The following KCNAB2 variants were observed in gnomAD, a reference collection of about 807,000 sequenced individuals.
The protein encoded by KCNAB2 is potassium voltage-gated channel subfamily A regulatory beta subunit 2, also known as voltage-gated potassium channel subunit beta-2.
In KCNAB2, 29 loss-of-function variants were observed where a neutral mutation model predicts 63.6. The ratio of observed to expected loss-of-function variants is 0.46; its 90% CI spans 0.34 to 0.62. KCNAB2 has a LOEUF of 0.62. Ranked by LOEUF, KCNAB2 falls within the 20% of genes least tolerant of loss-of-function variation. KCNAB2 has a pLI of 0.01. For synonymous variants in KCNAB2, 222 were observed against 224.2 expected, an observed-to-expected ratio of 0.99 and a Z score of 0.09; for missense variants, 359 against 563.9, an observed-to-expected ratio of 0.64 and a Z score of 3.68.
intron 1 of KCNAB2, among the ~76,000 whole-genome samples, chr1:6,010,784 A>G (rs1658102165): frequency 6.6e-6 from 1 of 152,280 alleles, no homozygotes; most frequent in African/African-American, 2.4e-5. Flanking sequence ...CTGGGAAGGT[A>G]GTGGCCCGGG....
intron 2 of KCNAB2, among the ~76,000 whole-genome samples, chr1:6,059,711 A>T (rs1662146506): frequency 1.3e-5 from 2 of 152,188 alleles, no homozygotes; most frequent in South Asian, 4.1e-4. Flanking sequence ...GGGAAACAGC[A>T]GCAACTCAGA....
rs964346326 is a variant in KCNAB2 at position 6,100,805 on chromosome 1, C to A, written c.*2231C>A. 1 of 152,260 alleles carries A rather than the reference C, an allele frequency of 6.6e-6. No individual in the cohort carries two copies. Among genetic ancestry groups the A allele is most frequent in the Non-Finnish European group, 1.5e-5 (1 of 68,078 alleles). The allele number at this position is 152,260 out of a possible 1,614,324, so 9.4% of individuals were successfully genotyped here. On this transcript the variant is annotated 3_prime_UTR_variant, in exon 16 of 16. Coordinates refer to ENST00000378083, the MANE Select transcript of KCNAB2 (RefSeq NM_001199862.2). Reference sequence around the variant, plus strand: ...TCTGCCTCCTAGGGCCAGGTCCCCCCTCTCGGGAGGAGGTATTGGGTAGGA... The same window carrying A: ...TCTGCCTCCTAGGGCCAGGTCCCCCATCTCGGGAGGAGGTATTGGGTAGGA...
At chr1:6,048,657 G>A (rs893619109) in intron 1 of KCNAB2, among the ~76,000 whole-genome samples, 1 of 152,266 alleles carries the variant, frequency 6.6e-6, no homozygotes, top group African/African-American at 2.4e-5. Flanking sequence ...GGCCAGGCAG[G>A]GAACTTGCGT....
In KCNAB2 at chr1:6,051,697, G is replaced by T. The variant is rs11589347; in HGVS notation, c.161G>T (p.Arg54Leu). ...AQARNMESFL[R>L]MHGLSLDGCT... ...GCCAGGAACATGGAGAGCTTCCTCC[G>T]CATGCACGGCCTTTCCCTGGACGGC... Residue 54 changes from arginine to leucine, a missense_variant, in exon 2 of 16, where the codon CGC becomes CTC. Physicochemically the swap from Arg to Leu is moderately radical, Grantham distance 102. Coordinates refer to ENST00000378083, the MANE Select transcript of KCNAB2 (RefSeq NM_001199862.2). 4 of 1,533,694 alleles carry T rather than the reference G, an allele frequency of 2.6e-6. No homozygotes were observed. Among genetic ancestry groups the T allele is most frequent in the African/African-American group, 2.7e-5 (2 of 72,980 alleles).
At chr1:6,043,454 G>T (rs1013748253), upstream of KCNAB2, among the ~76,000 whole-genome samples, 1 of 152,174 alleles carries the variant, frequency 6.6e-6, no homozygotes, top group African/African-American at 2.4e-5. Flanking sequence ...TTCATTTCCA[G>T]GTGGCCTTCC....
upstream of KCNAB2, among the ~76,000 whole-genome samples, chr1:6,033,312 T>G (rs1000320849): frequency 1.3e-5 from 2 of 151,142 alleles, no homozygotes; most frequent in Non-Finnish European, 3.0e-5. Context: ...TATGTGTGTG[T>G]GCATTGCATG....
At chr1:6,002,022 C>T (rs1007599634) in intron 1 of KCNAB2, among the ~76,000 whole-genome samples, 1 of 152,176 alleles carries the variant, frequency 6.6e-6, no homozygotes, top group African/African-American at 2.4e-5. Context: ...CTGTGGGCCT[C>T]GTGAGGACAG....
chr1:6,056,148 G>C (rs1013130311), intron 2 of KCNAB2, among the ~76,000 whole-genome samples: 4 of 152,058 alleles, frequency 2.6e-5, no homozygotes, highest in African/African-American at 9.7e-5. Flanking sequence ...GGGTTCAAGC[G>C]ATTCTCCTGC....
chr1:6,013,764 C>T (rs2100288600), intron 1 of KCNAB2, among the ~76,000 whole-genome samples: 1 of 152,280 alleles, frequency 6.6e-6, no homozygotes, highest in African/African-American at 2.4e-5. Context: ...CCAGCTCACA[C>T]CTGCATTGCC....
At chr1:6,052,416 A>T (rs1661468572) in intron 2 of KCNAB2, among the ~76,000 whole-genome samples, 1 of 148,722 alleles carries the variant, frequency 6.7e-6, no homozygotes, top group South Asian at 2.1e-4. Flanking sequence ...ACAGAGCGAG[A>T]CTCCATTGCG....
In KCNAB2 at chr1:6,071,321, A is replaced by G. The variant is rs903323312; in HGVS notation, c.219-1434A>G. 1.3e-5 allele frequency among the ~76,000 whole-genome samples: 2 copies of G among 152,194 alleles called. No individual in the cohort carries two copies. The highest frequency in any genetic ancestry group is 2.4e-5 in the African/African-American group (1 of 41,454). ...GCTGGGCCTCACCCGCTGGTAACTC[A>G]TGGCTCTCACTCCCCACCGCCTAGA... On this transcript the variant is annotated intron_variant, in intron 2 of 15. Coordinates refer to ENST00000378083, the MANE Select transcript of KCNAB2 (RefSeq NM_001199862.2). This position sits in a 1 kb window ranked among gnomAD's most constrained non-coding sequence, Gnocchi z 8.5.
intron 1 of KCNAB2, among the ~76,000 whole-genome samples, chr1:6,016,170 C>T (rs1658483624): frequency 6.6e-6 from 1 of 152,190 alleles, no homozygotes; most frequent in Non-Finnish European, 1.5e-5. Context: ...CTGCCTGCTG[C>T]CTGCTGACAG....
intron 7 of KCNAB2, among the ~76,000 whole-genome samples, chr1:6,088,151 C>T (rs1483119438): frequency 1.3e-5 from 2 of 152,050 alleles, no homozygotes; most frequent in African/African-American, 4.8e-5. Flanking sequence ...CTTCAAACTC[C>T]TGGGCTCGAG....
At chr1:6,097,575 T>G (rs1239618356) in intron 15 of KCNAB2, 2 of 809,718 alleles carry the variant, frequency 2.5e-6, no homozygotes. Flanking sequence ...TGTGTCAGGG[T>G]GGACGAGCGC....
chr1:6,065,376 C>T (rs999710715), intron 2 of KCNAB2, among the ~76,000 whole-genome samples: 5 of 152,340 alleles, frequency 3.3e-5, no homozygotes, highest in South Asian at 2.1e-4. Flanking sequence ...AATGGCCAGA[C>T]GCTGCCCGCG....
Position 6,096,232 on chromosome 1 carries a change from CA to C in KCNAB2, c.949-402del, listed in dbSNP as rs1187676120. ...CAGGGCCCCCCTCCAGGAGGCCCTG[CA>C]ATCCTCTGGGGGGGATGGCCAGGGG... On this transcript the variant is annotated intron_variant, in intron 13 of 15. Coordinates refer to ENST00000378083, the MANE Select transcript of KCNAB2 (RefSeq NM_001199862.2). This position sits in a 1 kb window ranked among gnomAD's most constrained non-coding sequence, Gnocchi z 5.9. 1 of 448,386 alleles carries C rather than the reference CA, an allele frequency of 2.2e-6. No individual in the cohort carries two copies. The highest frequency in any genetic ancestry group is 4.5e-6 in the Non-Finnish European group (1 of 224,528). 27.8% of individuals were successfully genotyped at this position (448,386 alleles called of 1,614,324 possible). A position where few individuals can be genotyped will look rare whatever the true frequency, so the allele number is the denominator to read the frequency against.
rs1286262827 is a variant in KCNAB2 at position 6,095,403 on chromosome 1, G to A, written c.813G>A (p.Glu271=). 4 of 1,613,072 alleles carry A rather than the reference G, an allele frequency of 2.5e-6. No homozygotes were observed. Among genetic ancestry groups the A allele is most frequent in the Non-Finnish European group, 3.4e-6 (4 of 1,180,036 alleles). ...CTGAGTACCACATGTTCCAGCGTGAGAAAGTGGAGGTGCAGCTGCCGGAGC... is the reference window on the plus strand; with the variant it reads ...CTGAGTACCACATGTTCCAGCGTGAAAAAGTGGAGGTGCAGCTGCCGGAGC... The part of the protein sequence containing the change: ...EQAEYHMFQR[E]KVEVQLPELF... The change falls in exon 12 of 16, where the codon GAG becomes GAA. Residue 271 remains glutamate (E), a synonymous_variant. Coordinates refer to ENST00000378083, the MANE Select transcript of KCNAB2 (RefSeq NM_001199862.2).
chr1:6,045,668 C>G (rs547418163), upstream of KCNAB2, among the ~76,000 whole-genome samples: 10 of 152,352 alleles, frequency 6.6e-5, no homozygotes, highest in Admixed American at 6.5e-4. The surrounding 1 kb of genome is among the most constrained non-coding windows in gnomAD (Gnocchi z 4.8). Context: ...CCCCCAGCTC[C>G]CCTGCTGCAG....
chr1:5,993,150 A>C (rs1656642551), intron 1 of KCNAB2, among the ~76,000 whole-genome samples: 3 of 139,878 alleles, frequency 2.1e-5, no homozygotes, highest in Non-Finnish European at 3.1e-5. Flanking sequence ...CCTTTCCTCC[A>C]TCCTCCTCTC....
Sources: allele counts gnomAD v4.1 joint callset (sites outside exome capture counted in the v4.1 genomes callset), GRCh38; gene constraint gnomAD v4.1.1; non-coding constraint Gnocchi (gnomAD v3.1); transcripts MANE v1.5; gene names NCBI Gene and HGNC (gene_info 2026-07-23, HGNC 2026-07-21).